The following ANKS1B variants were observed in gnomAD, a reference collection of about 807,000 sequenced individuals.
The protein encoded by ANKS1B is ankyrin repeat and sterile alpha motif domain containing 1B.
A neutral mutation model predicts 148.3 loss-of-function variants in ANKS1B; 36 were observed. That is an observed-to-expected ratio of 0.24 (90% CI 0.19 to 0.32). ANKS1B has a LOEUF of 0.32. ANKS1B is among the 10% of genes least tolerant of loss of function. ANKS1B has a pLI of 1.00. For missense variants in ANKS1B, 1,157 were observed against 1,542.6 expected, an observed-to-expected ratio of 0.75 and a Z score of 4.19; for synonymous variants, 542 against 560.8, an observed-to-expected ratio of 0.97 and a Z score of 0.47.
intron 8 of ANKS1B, among the ~76,000 whole-genome samples, chr12:99,731,413 C>CGTGTGTGTGTGTGTGTGTGT (rs71088145): frequency 3.1e-4 from 45 of 143,832 alleles, no homozygotes; most frequent in Non-Finnish European, 5.9e-4. Context: ...ACCACCGTGC[C>CGTGTGTGTGTGTGTGTGTGT]GTGTGTGTGT....
At chr12:98,794,885 C>A (rs1262343897) in intron 22 of ANKS1B, 9 of 1,596,062 alleles carry the variant, frequency 5.6e-6, no homozygotes, top group Non-Finnish European at 6.9e-6. Flanking sequence ...CTTATCCGAG[C>A]CCCTCTTGCA....
At chr12:99,678,760 C>T (rs1161564995) in intron 8 of ANKS1B, among the ~76,000 whole-genome samples, 7 of 152,144 alleles carry the variant, frequency 4.6e-5, no homozygotes, top group Non-Finnish European at 8.8e-5. Flanking sequence ...GACTCCAAAA[C>T]CTGAGCAGTA....
At chr12:98,867,188 A>G (rs972645380) in intron 17 of ANKS1B, among the ~76,000 whole-genome samples, 1 of 152,110 alleles carries the variant, frequency 6.6e-6, no homozygotes. Flanking sequence ...TCCAGTGACT[A>G]TGGGTTAGGA....
At chr12:98,984,553 G>T (rs1328986082) in intron 17 of ANKS1B, among the ~76,000 whole-genome samples, 1 of 152,118 alleles carries the variant, frequency 6.6e-6, no homozygotes, top group Non-Finnish European at 1.5e-5. Flanking sequence ...TACAAATTCT[G>T]CTTTCCACAT....
At chr12:99,666,492 A>T (rs2098507598) in intron 8 of ANKS1B, among the ~76,000 whole-genome samples, 1 of 152,022 alleles carries the variant, frequency 6.6e-6, no homozygotes, top group Admixed American at 6.6e-5. Context: ...TCTTCAGTGT[A>T]CAGGTCTTGC....
chr12:99,733,269 C>A (rs754924783), intron 8 of ANKS1B, among the ~76,000 whole-genome samples: 1 of 152,158 alleles, frequency 6.6e-6, no homozygotes. Flanking sequence ...AATCAACATA[C>A]AATTACAACA....
chr12:99,590,250 A>ACCCC (rs148562742), intron 9 of ANKS1B, among the ~76,000 whole-genome samples: 1 of 143,848 alleles, frequency 7.0e-6, no homozygotes, highest in African/African-American at 2.7e-5. Flanking sequence ...ACTCACACCC[A>ACCCC]CACCCACCCA....
At chr12:99,416,039 T>C (rs533630688) in intron 11 of ANKS1B, among the ~76,000 whole-genome samples, 1 of 152,084 alleles carries the variant, frequency 6.6e-6, no homozygotes, top group Non-Finnish European at 1.5e-5. Flanking sequence ...CCACCTTAAC[T>C]CCTGGTAACT....
chr12:99,456,477 G>T (rs1240267584), intron 10 of ANKS1B, among the ~76,000 whole-genome samples: 1 of 152,124 alleles, frequency 6.6e-6, no homozygotes, highest in African/African-American at 2.4e-5. Context: ...AGCCAATCAA[G>T]GAGGCACCAG....
In ANKS1B at chr12:99,945,382, C is replaced by G. The variant is rs997236512; in HGVS notation, c.134+38722G>C. ...AAAAAAAAAAAAGCCAATGTGGCTA[C>G]AGCAAAGTGGACAAAAACAAAAGTA... On this transcript the variant is annotated intron_variant, in intron 1 of 26. Coordinates refer to ENST00000683438, the MANE Select transcript of ANKS1B (RefSeq NM_001352186.2). Among the ~76,000 whole-genome samples, 5 of 148,066 alleles carry G rather than the reference C, an allele frequency of 3.4e-5. 1 individual carries two copies. In the Middle Eastern group the frequency reaches 0.018, roughly 529 times the overall value.
At chr12:98,880,890 GGA>G (rs1021529123) in intron 17 of ANKS1B, among the ~76,000 whole-genome samples, 18 of 152,098 alleles carry the variant, frequency 1.2e-4, no homozygotes, top group African/African-American at 3.9e-4. Context: ...ATTACTGGAA[GGA>G]GAGAGAGAAA....
At chr12:99,116,527 A>G (rs1472640337) in intron 15 of ANKS1B, among the ~76,000 whole-genome samples, 1 of 152,200 alleles carries the variant, frequency 6.6e-6, no homozygotes, top group African/African-American at 2.4e-5. Flanking sequence ...ACTGTTACAT[A>G]AATGTTTTGC....
chr12:99,045,639 A>G (rs573166577), intron 17 of ANKS1B, among the ~76,000 whole-genome samples: 1 of 152,366 alleles, frequency 6.6e-6, no homozygotes, highest in African/African-American at 2.4e-5. Context: ...CTTCTGGCCA[A>G]GATGGAATAA....
chr12:99,652,987 T>C (rs1287313664), intron 9 of ANKS1B, among the ~76,000 whole-genome samples: 2 of 152,250 alleles, frequency 1.3e-5, no homozygotes, highest in East Asian at 3.9e-4. Context: ...AATTACATGA[T>C]GCACTTGTAC....
chr12:99,507,042 A>G lies in ANKS1B; in HGVS notation c.1273-2401T>C, dbSNP rs564703047. Among the ~76,000 whole-genome samples, 5 of 152,134 alleles carry G rather than the reference A, an allele frequency of 3.3e-5. No individual in the cohort carries two copies. The East Asian group carries it at 9.7e-4, about 29-fold the overall frequency. ...ATGCTCAATAAATATGTATTGATCA[A>G]CTGAACAGTCTCTAGTGTCCTTTAA... On this transcript the variant is annotated intron_variant, in intron 9 of 26. Transcript: ENST00000683438.
rs554671353 is a variant in ANKS1B, at chr12:99,339,462, G to A, written c.1756+60169C>T. 2.6e-5 allele frequency among the ~76,000 whole-genome samples: 4 copies of A among 152,244 alleles called. No individual in the cohort carries two copies. In the South Asian group the frequency reaches 8.3e-4, roughly 32 times the overall value. ...TTCCTACCTTCTCTTTCCTAGATAT[G>A]ATGTTAAAACCAGGTACTGTGATTG... On this transcript the variant is annotated intron_variant, in intron 12 of 26. Transcript: ENST00000683438.
At chr12:98,872,328 C>A (rs1203016857) in intron 17 of ANKS1B, among the ~76,000 whole-genome samples, 1 of 152,130 alleles carries the variant, frequency 6.6e-6, no homozygotes, top group Non-Finnish European at 1.5e-5. Context: ...TGCTTGAGGT[C>A]AGGAGTTTGA....
At chr12:99,063,516 T>C (rs974726964) in intron 16 of ANKS1B, among the ~76,000 whole-genome samples, 5 of 152,194 alleles carry the variant, frequency 3.3e-5, no homozygotes, top group African/African-American at 1.2e-4. Context: ...AGAGAAAGGC[T>C]GATCTTCTGA....
At chr12:99,581,333 A>G (rs1319926588) in intron 9 of ANKS1B, among the ~76,000 whole-genome samples, 1 of 152,198 alleles carries the variant, frequency 6.6e-6, no homozygotes, top group African/African-American at 2.4e-5. Flanking sequence ...AACAAATGGC[A>G]CAGAAACATT....
Sources: gnomAD v4.1 joint callset for allele counts (sites outside exome capture counted in the v4.1 genomes callset) on GRCh38, gnomAD v4.1.1 for gene constraint, MANE v1.5 for transcripts, NCBI Gene and HGNC (gene_info 2026-07-23, HGNC 2026-07-21) for gene names.